Variants in NEO1 observed in about 807,000 individuals in gnomAD.
The protein encoded by NEO1 is neogenin 1, also known as neogenin.
In NEO1, 63 loss-of-function variants were observed where a neutral mutation model predicts 159.7. The ratio of observed to expected loss-of-function variants is 0.39; its 90% CI spans 0.32 to 0.49. The LOEUF is 0.49. NEO1 is among the 20% of genes least tolerant of loss of function. NEO1 has a pLI of 0.85. For missense variants in NEO1, 1,615 were observed against 1,831.0 expected (o/e 0.88, Z 2.15); for synonymous variants, 633 against 662.0 (o/e 0.96, Z 0.67).
chr15:73,126,306 G>A, intron 3 of NEO1, 111 bp from the exon 4 acceptor site: 1 of 924,634 alleles, frequency 1.1e-6, no homozygotes, highest in Non-Finnish European at 1.6e-6. Flanking sequence ...CTGGGCTCAA[G>A]CAGTCCTCCC....
At chr15:73,297,671 G>T (rs1418346852) in intron 26 of NEO1, among the ~76,000 whole-genome samples, 1 of 151,644 alleles carries the variant, frequency 6.6e-6, no homozygotes, top group South Asian at 2.1e-4. Flanking sequence ...TTTTGAGATT[G>T]TTATCATGTT....
intron 2 of NEO1, among the ~76,000 whole-genome samples, chr15:73,119,911 C>T (rs767261867): frequency 1.5e-4 from 23 of 152,172 alleles, no homozygotes; most frequent in South Asian, 1.2e-3. Flanking sequence ...CCAAGACGGG[C>T]GGATCACCTG....
At chr15:73,081,043 T>G (rs918786720) in intron 1 of NEO1, among the ~76,000 whole-genome samples, 5 of 152,332 alleles carry the variant, frequency 3.3e-5, no homozygotes, top group African/African-American at 1.2e-4. Context: ...TGACTTGAGA[T>G]TAAAGTCTTT....
intron 3 of NEO1, among the ~76,000 whole-genome samples, chr15:73,123,109 A>G (rs1303064479): frequency 6.6e-6 from 1 of 151,388 alleles, no homozygotes; most frequent in Non-Finnish European, 1.5e-5. Context: ...GTGAGCTGAG[A>G]TTGTGCCATT....
intron 7 of NEO1, among the ~76,000 whole-genome samples, chr15:73,229,487 T>C (rs2038789809): frequency 6.6e-6 from 1 of 151,654 alleles, no homozygotes; most frequent in Non-Finnish European, 1.5e-5. Flanking sequence ...GAGGGTTTTC[T>C]GCATAGATAA....
intron 7 of NEO1, among the ~76,000 whole-genome samples, chr15:73,223,842 G>GGTTTTTT (rs1160045352): frequency 6.6e-6 from 1 of 152,068 alleles, no homozygotes; most frequent in Non-Finnish European, 1.5e-5. Context: ...AGTGTACCTT[G>GGTTTTTT]GTTTTTTGTT....
intron 5 of NEO1, among the ~76,000 whole-genome samples, chr15:73,165,185 A>G (rs550997300): frequency 2.1e-5 from 3 of 145,996 alleles, no homozygotes; most frequent in African/African-American, 7.6e-5. Flanking sequence ...GTGTGTGTGT[A>G]TATGTGATGT....
At chr15:73,267,973 C>G (rs1037405056) in intron 16 of NEO1, among the ~76,000 whole-genome samples, 3 of 152,144 alleles carry the variant, frequency 2.0e-5, no homozygotes, top group Admixed American at 6.5e-5. Context: ...TGGTAACATT[C>G]TTAAGGAAGG....
At chr15:73,129,545 C>A (rs1308806020) in intron 4 of NEO1, among the ~76,000 whole-genome samples, 1 of 152,026 alleles carries the variant, frequency 6.6e-6, no homozygotes, top group Admixed American at 6.5e-5. Context: ...CAAATTTGTT[C>A]AGATTTACAA....
intron 5 of NEO1, among the ~76,000 whole-genome samples, chr15:73,139,169 A>G (rs2032126152): frequency 6.6e-6 from 1 of 152,182 alleles, no homozygotes; most frequent in Non-Finnish European, 1.5e-5. Flanking sequence ...CACAAAAATC[A>G]ACCCAAAATG....
At chr15:73,075,965 CT>C (rs1321214854) in intron 1 of NEO1, among the ~76,000 whole-genome samples, 2 of 152,088 alleles carry the variant, frequency 1.3e-5, no homozygotes, top group South Asian at 2.1e-4. Flanking sequence ...TTTGAATTTC[CT>C]TTTTTTGCTA....
rs1437987382 is a variant in NEO1, at chr15:73,135,906, A to G, written c.894A>G (p.Val298=). Residue 298 remains valine, a synonymous_variant, in exon 5 of 29, where the codon GTA becomes GTG. Transcript: ENST00000261908. ...TTTAACACAGCTCTGAAAGATTGGT[A>G]TTGCTGGCAGGTGGTAGCCTGGAGA... The part of the protein sequence containing the change: ...ALDTESSERL[V]LLAGGSLEIS... 2 of 1,523,180 alleles carry G rather than the reference A, an allele frequency of 1.3e-6. No individual in the cohort carries two copies. Among genetic ancestry groups the G allele is most frequent in the South Asian group, 1.2e-5 (1 of 81,836 alleles). The allele number at this position is 1,523,180 out of a possible 1,614,324, so 94.4% of individuals were successfully genotyped here.
chr15:73,283,429 G>T (rs1303395809), intron 23 of NEO1, among the ~76,000 whole-genome samples: 1 of 152,244 alleles, frequency 6.6e-6, no homozygotes, highest in Admixed American at 6.5e-5. Flanking sequence ...AGGGCAAGAG[G>T]AGAGAGCTGT....
intron 13 of NEO1, among the ~76,000 whole-genome samples, chr15:73,258,561 T>G (rs576910956): frequency 3.9e-5 from 6 of 152,328 alleles, no homozygotes; most frequent in African/African-American, 1.4e-4. Context: ...TTAGATTGTG[T>G]GGGCTTCAGT....
At chr15:73,283,154 T>C (rs763981836) in intron 23 of NEO1, 43 bp downstream of exon 23, 2 of 1,609,152 alleles carry the variant, frequency 1.2e-6, no homozygotes, top group East Asian at 2.2e-5. Flanking sequence ...TGGCATCTTA[T>C]CTTTTGCTTC....
At chr15:73,059,817 G>A (rs186846961) in intron 1 of NEO1, among the ~76,000 whole-genome samples, 1 of 152,230 alleles carries the variant, frequency 6.6e-6, no homozygotes, top group East Asian at 1.9e-4. Flanking sequence ...TCTGATTACT[G>A]CAGTGTTTGA....
chr15:73,204,979 T>C (rs910242715), intron 7 of NEO1, among the ~76,000 whole-genome samples: 1 of 152,220 alleles, frequency 6.6e-6, no homozygotes, highest in Admixed American at 6.5e-5. Context: ...TTAGCGTACT[T>C]GATTTTTTGT....
At chr15:73,243,843 T>C (rs2039608770) in intron 8 of NEO1, among the ~76,000 whole-genome samples, 2 of 152,210 alleles carry the variant, frequency 1.3e-5, no homozygotes, top group African/African-American at 2.4e-5. Context: ...ACTTAGGATT[T>C]ATTTAAATGT....
At chr15:73,226,953 A>T (rs2038624438) in intron 7 of NEO1, among the ~76,000 whole-genome samples, 1 of 152,218 alleles carries the variant, frequency 6.6e-6, no homozygotes, top group Admixed American at 6.5e-5. Flanking sequence ...TGGGCGTCAA[A>T]TTAGGATAAC....
Sources: gnomAD v4.1 joint callset for allele counts (sites outside exome capture counted in the v4.1 genomes callset) on GRCh38, gnomAD v4.1.1 for gene constraint, MANE v1.5 for transcripts, NCBI Gene and HGNC (gene_info 2026-07-23, HGNC 2026-07-21) for gene names.